Variants in PIWIL4 observed in about 807,000 individuals in gnomAD.
The protein encoded by PIWIL4 is piwi-like protein 4.
In PIWIL4, 50 loss-of-function variants were observed where a neutral mutation model predicts 100.9. That is an observed-to-expected ratio of 0.50 (90% CI 0.39 to 0.63). The LOEUF (loss-of-function observed/expected upper bound fraction) is 0.63. PIWIL4 is among the 20% of genes least tolerant of loss of function. The pLI is 0.00. For missense variants in PIWIL4, 887 were observed against 1,043.3 expected, an observed-to-expected ratio of 0.85 and a Z score of 2.06; for synonymous variants, 342 against 367.5, an observed-to-expected ratio of 0.93 and a Z score of 0.79.
At chr11:94,616,720 T>G (rs2135305951) in intron 16 of PIWIL4, among the ~76,000 whole-genome samples, 157 bp downstream of exon 16, 1 of 152,320 alleles carries the variant, frequency 6.6e-6, no homozygotes, top group Non-Finnish European at 1.5e-5. Flanking sequence ...TGCATGCCGA[T>G]TTAGGCCAAC....
Position 94,594,416 on chromosome 11 carries a change from C to T in PIWIL4, c.1150+775C>T, listed in dbSNP as rs191962774. Reference sequence around the variant, plus strand: ...AAGAGGCGGAGGTTGCAGTGAGCCGCGATCACGCCAGTGCACTCCAGCCTG... The same window carrying T: ...AAGAGGCGGAGGTTGCAGTGAGCCGTGATCACGCCAGTGCACTCCAGCCTG... On this transcript the variant is annotated intron_variant, in intron 9 of 19. Transcript: ENST00000299001. Among the ~76,000 whole-genome samples, 1,224 of 149,750 alleles carry T rather than the reference C, an allele frequency of 8.2e-3. 15 individuals are homozygous for T. The highest frequency in any genetic ancestry group is 0.028 in the African/African-American group (1,136 of 40,512).
Position 94,568,802 on chromosome 11 carries a change from A to G in PIWIL4, c.160A>G (p.Thr54Ala), listed in dbSNP as rs1450336341. ...CTTCTTGGGAACAAGCAGGATCTCA[A>G]CCAACGGTAAGTGCAGCTCAGCCTG... is the stretch of plus-strand genomic sequence containing the variant. ...NGFLGTSRIS[T>A]NDKYGISSGD... The change falls in exon 2 of 20, where the codon ACC becomes GCC. Residue 54 changes from threonine (T) to alanine (A), a missense_variant. Thr to Ala is a moderately conservative substitution (Grantham distance 58, BLOSUM62 0). Around this residue, in one of 2 missense-constraint regions of PIWIL4, gnomAD observed 146 missense variants for 113.4 expected, o/e 1.29. Transcript: ENST00000299001. 1 of 1,597,816 alleles carries G rather than the reference A, an allele frequency of 6.3e-7. No individual in the cohort carries two copies. Among genetic ancestry groups the G allele is most frequent in the Admixed American group, 1.7e-5 (1 of 59,988 alleles).
rs377011346 is a variant in PIWIL4, at chr11:94,587,057, C to G, written c.724C>G (p.Leu242Val). ...TCTTTTTTGTTTTTAAAGATTATCC[C>G]TTTGGCCTGGGTTTGCCATTTCTGT... ...PMEIPQHKLS[L>V]WPGFAISVSY... is the part of the protein sequence containing the mutation. Residue 242 changes from leucine to valine, a missense_variant, in exon 7 of 20, where the codon CTT becomes GTT. Transcript: ENST00000299001. The G allele has an allele frequency of 6.2e-7, 1 of 1,609,806 alleles. No individual in the cohort carries two copies. The highest frequency in any genetic ancestry group is 8.5e-7 in the Non-Finnish European group (1 of 1,176,654).
Position 94,587,104 on chromosome 11 carries a change from C to T in PIWIL4, c.771C>T (p.Leu257=). Residue 257 remains leucine, a synonymous_variant, in exon 7 of 20, where the codon CTC becomes CTT. Transcript: ENST00000299001. ...CTGTGTCATATTTTGAAAGGAAGCT[C>T]CTGTTTAGTGCTGATGTGAGTTACA... ...AISVSYFERK[L]LFSADVSYKV... 2 of 1,613,874 alleles carry T rather than the reference C, an allele frequency of 1.2e-6. No individual in the cohort carries two copies. The highest frequency in any genetic ancestry group is 1.7e-6 in the Non-Finnish European group (2 of 1,179,924).
At chr11:94,580,521 C>T (rs1948296721) in intron 4 of PIWIL4, among the ~76,000 whole-genome samples, 1 of 152,124 alleles carries the variant, frequency 6.6e-6, no homozygotes, top group South Asian at 2.1e-4. Context: ...CATCTATTTG[C>T]CACTCTCATA....
chr11:94,588,928 T>C (rs1948441946), intron 7 of PIWIL4, among the ~76,000 whole-genome samples, 193 bp from the exon 8 acceptor site: 1 of 152,240 alleles, frequency 6.6e-6, no homozygotes, highest in South Asian at 2.1e-4. Flanking sequence ...TCTTCCTGTA[T>C]AGGAAATTAT....
At chr11:94,583,907 A>G (rs1055366850) in intron 5 of PIWIL4, among the ~76,000 whole-genome samples, 1 of 152,212 alleles carries the variant, frequency 6.6e-6, no homozygotes, top group African/African-American at 2.4e-5. Context: ...TAGCAAACTT[A>G]GTTAAGTTTG....
chr11:94,612,966 A>G (rs1948803622), intron 15 of PIWIL4, among the ~76,000 whole-genome samples: 2 of 152,172 alleles, frequency 1.3e-5, no homozygotes, highest in Admixed American at 1.3e-4. Flanking sequence ...TTGATCTTTT[A>G]TCCCTACAAC....
At chr11:94,609,837 G>T (rs1484318927) in intron 15 of PIWIL4, among the ~76,000 whole-genome samples, 3 of 152,034 alleles carry the variant, frequency 2.0e-5, no homozygotes, top group African/African-American at 7.2e-5. Context: ...CACAGTCAAG[G>T]TAACTAACAT....
At position 94,569,667 on chromosome 11, in the gene PIWIL4, C is replaced by T. The variant is rs532346459; in HGVS notation, c.166+859C>T. On this transcript the variant is annotated intron_variant, in intron 2 of 19. Coordinates refer to ENST00000299001, the MANE Select transcript of PIWIL4 (RefSeq NM_152431.3). ...TGCTGGGATTACAGGTATGAGCCAC[C>T]GCCCCCGGGCGGCGGCCATTATCTT... Among the ~76,000 whole-genome samples the T allele has an allele frequency of 3.3e-5, 5 of 152,278 alleles. No homozygotes were observed. In the South Asian group the frequency reaches 6.2e-4, roughly 19 times the overall value.
At chr11:94,585,371 A>T in intron 5 of PIWIL4, 74 bp from the exon 6 acceptor site, 1 of 1,012,190 alleles carries the variant, frequency 9.9e-7, no homozygotes, top group Non-Finnish European at 1.5e-6. Context: ...CATTATGTTC[A>T]GTAAGGGTTT....
chr11:94,580,701 T>G lies in PIWIL4; in HGVS notation c.514-2747T>G, dbSNP rs143404056. Among the ~76,000 whole-genome samples the G allele has an allele frequency of 6.1e-3, 925 of 152,242 alleles. 8 individuals carry two copies. The highest frequency in any genetic ancestry group is 0.014 in the African/African-American group (574 of 41,536). On this transcript the variant is annotated intron_variant, in intron 4 of 19. Transcript: ENST00000299001. ...AATAAGTGTCATAATAATTAGTATCTTTATTATGCTAGCATTTATTGAGCA... is the reference window on the plus strand; with the variant it reads ...AATAAGTGTCATAATAATTAGTATCGTTATTATGCTAGCATTTATTGAGCA...
chr11:94,585,520 G>A lies in PIWIL4; in HGVS notation c.711G>A (p.Gln237=). 6.2e-7 allele frequency: 1 copy of A among 1,601,042 alleles called. No homozygotes were observed. Among genetic ancestry groups the A allele is most frequent in the Non-Finnish European group, 8.5e-7 (1 of 1,172,870 alleles). The change falls in exon 6 of 20, where the codon CAG becomes CAA. Residue 237 remains glutamine, a synonymous_variant. Transcript: ENST00000299001. ...CTTCAGAGCCAATGGAAATTCCCCAGCACAAGTAGGTTTATTTATATTTTC... is the reference window on the plus strand; with the variant it reads ...CTTCAGAGCCAATGGAAATTCCCCAACACAAGTAGGTTTATTTATATTTTC... ...YNPSEPMEIP[Q]HKLSLWPGFA...
rs763159304 is a variant in PIWIL4, at chr11:94,604,038, T to C, written c.1620T>C (p.Val540=). Residue 540 remains valine, a synonymous_variant, in exon 13 of 20, where the codon GTT becomes GTC. Transcript: ENST00000299001. ...AAFVRAIQQY[V]DPDVQLVMCI... Reference sequence around the variant, plus strand: ...TTGTTAGAGCTATACAGCAATATGTTGATCCTGATGTTCAGCTGGTAAGTA... The same window carrying C: ...TTGTTAGAGCTATACAGCAATATGTCGATCCTGATGTTCAGCTGGTAAGTA... 3 of 1,605,028 alleles carry C rather than the reference T, an allele frequency of 1.9e-6. No individual in the cohort carries two copies. In the South Asian group the frequency reaches 3.3e-5, roughly 18 times the overall value.
At chr11:94,603,432 A>G (rs1421943246) in intron 12 of PIWIL4, among the ~76,000 whole-genome samples, 4 of 152,232 alleles carry the variant, frequency 2.6e-5, no homozygotes, top group East Asian at 1.9e-4. Flanking sequence ...CACAGAACAG[A>G]TAATTGTTAA....
chr11:94,592,761 T>TAA (rs1948504219), intron 8 of PIWIL4, among the ~76,000 whole-genome samples: 1 of 152,118 alleles, frequency 6.6e-6, no homozygotes, highest in Non-Finnish European at 1.5e-5. Flanking sequence ...CATTAGAGGG[T>TAA]AAATGAGCTT....
At chr11:94,567,697 T>TA in intron 1 of PIWIL4, 92 bp downstream of exon 1, 3 of 1,365,742 alleles carry the variant, frequency 2.2e-6, no homozygotes, top group Non-Finnish European at 2.9e-6. Flanking sequence ...TCTCCTCCTC[T>TA]CTGTTACGAA....
chr11:94,585,423 A>G, intron 5 of PIWIL4, 22 bp from the exon 6 acceptor site: 1 of 1,580,790 alleles, frequency 6.3e-7, no homozygotes, highest in African/African-American at 1.4e-5. Context: ...TTTACCAAAA[A>G]TTCAAAAAAA....
At position 94,583,432 on chromosome 11, in the gene PIWIL4, T is replaced by G. The variant is rs191829944; in HGVS notation, c.514-16T>G. The G allele has an allele frequency of 3.7e-5, 60 of 1,612,758 alleles. No individual in the cohort carries two copies. In the East Asian group the frequency reaches 1.1e-3, roughly 29 times the overall value. On this transcript the variant is annotated splice_polypyrimidine_tract_variant and intron_variant, in intron 4 of 19. Coordinates refer to ENST00000299001, the MANE Select transcript of PIWIL4 (RefSeq NM_152431.3). The stretch of plus-strand genomic sequence containing the variant: ...GATAATTTGTAGGGTGCATATTAAG[T>G]ACCTCTTTTTCCCAGGTCACAGAGT...
Sources: allele counts gnomAD v4.1 joint callset (sites outside exome capture counted in the v4.1 genomes callset), GRCh38; gene constraint gnomAD v4.1.1; regional missense constraint gnomAD v4.1.1; transcripts MANE v1.5; gene names NCBI Gene and HGNC (gene_info 2026-07-23, HGNC 2026-07-21).